SPTLC3: variants seen among roughly 807,000 people sequenced by gnomAD.
SPTLC3 encodes the protein serine palmitoyltransferase 3.
A neutral mutation model predicts 59.3 loss-of-function variants in SPTLC3; 36 were observed. That is an observed-to-expected ratio of 0.61 (90% CI 0.47 to 0.80). The LOEUF is 0.80. SPTLC3 is among the 30% of genes least tolerant of loss of function. SPTLC3 has a pLI of 0.00. For missense variants in SPTLC3, 625 were observed against 685.1 expected, an observed-to-expected ratio of 0.91 and a Z score of 0.98; for synonymous variants, 257 against 240.8, an observed-to-expected ratio of 1.07 and a Z score of -0.62.
At chr20:13,059,257 G>C (rs1050995923) in intron 2 of SPTLC3, among the ~76,000 whole-genome samples, 4 of 152,164 alleles carry the variant, frequency 2.6e-5, no homozygotes, top group South Asian at 4.1e-4. Context: ...ATGGGTAAAG[G>C]CTGCTTAAAC....
At chr20:13,082,099 A>T (rs1988859146) in intron 4 of SPTLC3, among the ~76,000 whole-genome samples, 1 of 152,218 alleles carries the variant, frequency 6.6e-6, no homozygotes, top group Non-Finnish European at 1.5e-5. Flanking sequence ...ATTCAACAAG[A>T]TATGACAGTA....
intron 1 of SPTLC3, among the ~76,000 whole-genome samples, chr20:13,010,376 A>G (rs934968897): frequency 3.3e-5 from 5 of 152,206 alleles, no homozygotes; most frequent in Admixed American, 1.3e-4. Flanking sequence ...TTCTAAGATC[A>G]CAGGACAGGT....
chr20:13,031,532 G>T (rs575549197), intron 1 of SPTLC3, among the ~76,000 whole-genome samples: 3 of 152,128 alleles, frequency 2.0e-5, no homozygotes, highest in Admixed American at 6.5e-5. Flanking sequence ...CAAACTCCTT[G>T]TCTCCTTTTC....
chr20:13,118,559 G>A (rs1485537283), intron 8 of SPTLC3, among the ~76,000 whole-genome samples: 2 of 152,030 alleles, frequency 1.3e-5, no homozygotes, highest in African/African-American at 2.4e-5. Flanking sequence ...AGATAAAGGA[G>A]CCAGTTATCT....
chr20:13,131,431 A>G (rs142580505), intron 9 of SPTLC3, among the ~76,000 whole-genome samples: 57 of 152,342 alleles, frequency 3.7e-4, no homozygotes, highest in African/African-American at 1.3e-3. Context: ...AGAAGAATTA[A>G]GTGATGTGAT....
rs77169376 is a variant in SPTLC3, at chr20:13,165,688, A to G, written c.*821A>G. ...AGTGCACGGTGAATGCTTACCCTGC[A>G]CAGCCTCTATTACCTTAAGGAATTA... is the stretch of plus-strand genomic sequence containing the variant. On this transcript the variant is annotated 3_prime_UTR_variant, in exon 12 of 12. Transcript: ENST00000399002. The G allele has an allele frequency of 6.6e-6, 1 of 152,246 alleles. No homozygotes were observed. The highest frequency in any genetic ancestry group is 1.5e-5 in the Non-Finnish European group (1 of 68,042). The allele number at this position is 152,246 out of a possible 1,614,324, so 9.4% of individuals were successfully genotyped here. A position where few individuals can be genotyped will look rare whatever the true frequency, so the allele number is the denominator to read the frequency against.
intron 7 of SPTLC3, among the ~76,000 whole-genome samples, chr20:13,115,988 T>G (rs1990524362): frequency 6.6e-6 from 1 of 152,180 alleles, no homozygotes; most frequent in Non-Finnish European, 1.5e-5. Flanking sequence ...AGCAATTAAT[T>G]TAAGAACATG....
intron 6 of SPTLC3, among the ~76,000 whole-genome samples, chr20:13,096,605 T>C (rs1047035409): frequency 6.6e-6 from 1 of 152,098 alleles, no homozygotes; most frequent in Non-Finnish European, 1.5e-5. Flanking sequence ...TAATCTATGA[T>C]GATAGAAATT....
intron 1 of SPTLC3, among the ~76,000 whole-genome samples, chr20:13,029,136 G>C (rs750160866): frequency 4.6e-5 from 7 of 152,142 alleles, no homozygotes; most frequent in Non-Finnish European, 7.4e-5. Flanking sequence ...GGGTTAGTTT[G>C]TTAGCTTATG....
At chr20:13,054,167 T>A (rs1987616581) in intron 2 of SPTLC3, among the ~76,000 whole-genome samples, 1 of 152,164 alleles carries the variant, frequency 6.6e-6, no homozygotes, top group African/African-American at 2.4e-5. Flanking sequence ...CATTGTACAT[T>A]CAAGGAACCA....
chr20:13,108,523 G>T (rs1990036852), intron 6 of SPTLC3, among the ~76,000 whole-genome samples: 1 of 152,180 alleles, frequency 6.6e-6, no homozygotes, highest in African/African-American at 2.4e-5. Context: ...CGCTTCTTGA[G>T]AGCTTTGTCT....
At chr20:13,114,763 A>T (rs574475706) in intron 7 of SPTLC3, among the ~76,000 whole-genome samples, 1 of 151,988 alleles carries the variant, frequency 6.6e-6, no homozygotes, top group Non-Finnish European at 1.5e-5. Flanking sequence ...GTTTTGAGTT[A>T]CACTTTGGGC....
intron 1 of SPTLC3, among the ~76,000 whole-genome samples, chr20:13,030,421 G>T (rs1986381723): frequency 1.3e-5 from 2 of 152,182 alleles, no homozygotes; most frequent in Non-Finnish European, 2.9e-5. Context: ...GCTCCCTGGA[G>T]ATCTATTTAC....
chr20:13,014,604 T>A (rs1018753445), intron 1 of SPTLC3, among the ~76,000 whole-genome samples: 2 of 152,046 alleles, frequency 1.3e-5, no homozygotes, highest in African/African-American at 4.8e-5. Flanking sequence ...GATAAAGATT[T>A]GAGTGCAAGA....
At chr20:13,046,817 C>A (rs1987254697) in intron 1 of SPTLC3, among the ~76,000 whole-genome samples, 1 of 152,174 alleles carries the variant, frequency 6.6e-6, no homozygotes, top group South Asian at 2.1e-4. Context: ...CAGTGCTGAA[C>A]ATGTTGCTTG....
chr20:13,059,083 C>T (rs1472062441), intron 2 of SPTLC3, among the ~76,000 whole-genome samples: 2 of 152,208 alleles, frequency 1.3e-5, no homozygotes, highest in Non-Finnish European at 1.5e-5. Context: ...AGGTTTGGAA[C>T]ATTTTGGCCT....
At chr20:13,157,916 G>T (rs1346026476) in intron 10 of SPTLC3, among the ~76,000 whole-genome samples, 1 of 152,156 alleles carries the variant, frequency 6.6e-6, no homozygotes, top group Non-Finnish European at 1.5e-5. Context: ...TTAAAGAATG[G>T]TGATCTCTCC....
rs140600379 is a variant in SPTLC3, at chr20:13,087,705, T to C, written c.608-3378T>C. ...ACACTATGGCCATCTATGATACTAT[T>C]GTCAGTATCTATGGAAGTCATGGCA... On this transcript the variant is annotated intron_variant, in intron 4 of 11. Coordinates refer to ENST00000399002, the MANE Select transcript of SPTLC3 (RefSeq NM_018327.4). Among the ~76,000 whole-genome samples, 30 of 152,344 alleles carry C rather than the reference T, an allele frequency of 2.0e-4. No individual in the cohort carries two copies. The East Asian group carries it at 2.7e-3, about 14-fold the overall frequency.
intron 7 of SPTLC3, among the ~76,000 whole-genome samples, chr20:13,112,551 G>A (rs932880945): frequency 6.6e-6 from 1 of 152,204 alleles, no homozygotes; most frequent in African/African-American, 2.4e-5. Context: ...AGGATGGGAA[G>A]CTTTGCAGGC....
Sources: allele counts gnomAD v4.1 joint callset (sites outside exome capture counted in the v4.1 genomes callset), GRCh38; gene constraint gnomAD v4.1.1; transcripts MANE v1.5; gene names NCBI Gene and HGNC (gene_info 2026-07-23, HGNC 2026-07-21).